The following PRDM2 variants were observed in gnomAD, a reference collection of about 807,000 sequenced individuals.
PRDM2 encodes PR/SET domain 2, also known as PR domain zinc finger protein 2.
Under a neutral mutation model 130.0 loss-of-function variants are expected in PRDM2, and 30 were observed. That is an observed-to-expected ratio of 0.23 (90% confidence interval 0.17 to 0.31). The LOEUF (loss-of-function observed/expected upper bound fraction) is 0.31. PRDM2 is among the 10% of genes least tolerant of loss of function. PRDM2 has a pLI of 1.00. For synonymous variants in PRDM2, 871 were observed against 782.4 expected (o/e 1.11, Z -1.89); for missense variants, 2,011 against 2,108.4 (o/e 0.95, Z 0.90).
chr1:13,748,501 T>C (rs954455357), intron 5 of PRDM2, among the ~76,000 whole-genome samples: 5 of 152,370 alleles, frequency 3.3e-5, no homozygotes, highest in African/African-American at 1.2e-4. Flanking sequence ...GGGTTTTAGA[T>C]AGAATTTTAC....
chr1:13,720,106 G>T (rs1642674886), intron 2 of PRDM2, among the ~76,000 whole-genome samples: 1 of 152,134 alleles, frequency 6.6e-6, no homozygotes, highest in Non-Finnish European at 1.5e-5. Flanking sequence ...AGATTAAACT[G>T]ATATAATACT....
At chr1:13,798,725 T>C (rs1022072007) in intron 8 of PRDM2, among the ~76,000 whole-genome samples, 2 of 152,146 alleles carry the variant, frequency 1.3e-5, no homozygotes, top group African/African-American at 4.8e-5. Context: ...AGTACCAAGC[T>C]TGAATTTCAT....
intron 8 of PRDM2, among the ~76,000 whole-genome samples, chr1:13,804,220 C>G (rs1645053664): frequency 1.3e-5 from 2 of 152,194 alleles, no homozygotes; most frequent in South Asian, 4.1e-4. Context: ...GTTGTCCCCA[C>G]TGTCCCCACC....
chr1:13,758,427 G>A (rs541118313), intron 6 of PRDM2, among the ~76,000 whole-genome samples: 15 of 145,886 alleles, frequency 1.0e-4, no homozygotes, highest in Non-Finnish European at 1.8e-4. Flanking sequence ...AGCCTGGGCA[G>A]CAGAGTGAGA....
In PRDM2 at chr1:13,780,972, CTCCTCCTCTTCGTTTTCTTCTTCATCT is replaced by C; in HGVS notation, c.3189_3215del (p.Phe1064_Ser1072del). The stretch of plus-strand genomic sequence containing the variant: ...TTTCTTCTTCCTCCTCTTCATCTTC[CTCCTCCTCTTCGTTTTCTTCTTCATCT>C]TCCTCCTCTTCTCCTTCTCCACCTC... On this transcript the variant is annotated inframe_deletion, in exon 8 of 10. Coordinates refer to ENST00000311066, the MANE Select transcript of PRDM2 (RefSeq NM_001393986.1). The C allele has an allele frequency of 6.2e-7, 1 of 1,602,704 alleles. No individual in the cohort carries two copies. Among genetic ancestry groups the C allele is most frequent in the Non-Finnish European group, 8.5e-7 (1 of 1,169,946 alleles).
intron 5 of PRDM2, among the ~76,000 whole-genome samples, chr1:13,742,389 A>G (rs1369888315): frequency 6.6e-6 from 1 of 152,058 alleles, no homozygotes; most frequent in Non-Finnish European, 1.5e-5. Context: ...TTTTGTAGAG[A>G]CAGAGCTTTG....
intron 6 of PRDM2, among the ~76,000 whole-genome samples, chr1:13,750,253 T>C (rs1643779875): frequency 6.6e-6 from 1 of 151,924 alleles, no homozygotes; most frequent in East Asian, 1.9e-4. Flanking sequence ...ACTGACACGT[T>C]GGGGCTTTTT....
In PRDM2 at chr1:13,700,246, C is replaced by T. The variant is rs1256040142; in HGVS notation, c.-120C>T. On this transcript the variant is annotated 5_prime_UTR_variant, in exon 1 of 10. It introduces an in-frame stop codon into an upstream open reading frame of the 5' UTR. Coordinates refer to ENST00000311066, the MANE Select transcript of PRDM2 (RefSeq NM_001393986.1). ...GCCGCGGGCGCCGGGGCCGGCGAAA[C>T]AGCGGCGGCGGCGGCGGCCCTCGGT... The T allele has an allele frequency of 6.6e-6, 1 of 151,964 alleles. No individual in the cohort carries two copies. Among genetic ancestry groups the T allele is most frequent in the African/African-American group, 2.4e-5 (1 of 41,172 alleles). 9.4% of individuals were successfully genotyped at this position (151,964 alleles called of 1,614,324 possible). A position where few individuals can be genotyped will look rare whatever the true frequency, so the allele number is the denominator to read the frequency against.
At chr1:13,712,628 G>C (rs930796699) in intron 1 of PRDM2, among the ~76,000 whole-genome samples, 1 of 152,054 alleles carries the variant, frequency 6.6e-6, no homozygotes, top group African/African-American at 2.4e-5. Context: ...TTGGTGGCAC[G>C]TGCCTGTAGT....
intron 5 of PRDM2, among the ~76,000 whole-genome samples, chr1:13,745,887 A>T (rs550539121): frequency 6.7e-6 from 1 of 149,766 alleles, no homozygotes; most frequent in Admixed American, 7.0e-5. Context: ...GATCTGACCT[A>T]TGATTTTTTA....
chr1:13,780,673 C>T lies in PRDM2; in HGVS notation c.2878C>T (p.Gln960Ter), dbSNP rs1283229456. The change falls in exon 8 of 10, where the codon CAG (glutamine) becomes TAG (stop). Residue 960 changes from glutamine (Q) to a stop codon, truncating the protein, a stop_gained. Transcript: ENST00000311066. LOFTEE classifies it high-confidence loss of function. ...ALQTPSLSSG[Q>*]LPPLLIPTDP... ...GCAGACACCCTCCCTTTCATCCGGT[C>T]AGCTGCCTCCTCTCTTGATCCCCAC... 6.2e-7 allele frequency: 1 copy of T among 1,611,034 alleles called. No individual in the cohort carries two copies. The highest frequency in any genetic ancestry group is 2.2e-5 in the East Asian group (1 of 44,836).
At chr1:13,754,430 A>G (rs747992459) in intron 6 of PRDM2, among the ~76,000 whole-genome samples, 1 of 152,168 alleles carries the variant, frequency 6.6e-6, no homozygotes, top group Non-Finnish European at 1.5e-5. Flanking sequence ...CCAAAATTGG[A>G]TAACTTGTCC....
At chr1:13,815,126 A>C (rs1372878200) in intron 8 of PRDM2, among the ~76,000 whole-genome samples, 4 of 152,090 alleles carry the variant, frequency 2.6e-5, no homozygotes, top group Non-Finnish European at 5.9e-5. Context: ...TATTTATTTG[A>C]GATGGAGTCT....
At chr1:13,747,387 A>G (rs975045826) in intron 5 of PRDM2, among the ~76,000 whole-genome samples, 12 of 152,272 alleles carry the variant, frequency 7.9e-5, no homozygotes, top group Non-Finnish European at 1.2e-4. Flanking sequence ...TTACTTTAAC[A>G]TAAGCCTGTT....
intron 8 of PRDM2, among the ~76,000 whole-genome samples, chr1:13,789,770 G>A (rs894608022): frequency 2.6e-5 from 4 of 152,192 alleles, no homozygotes; most frequent in Admixed American, 6.5e-5. Context: ...GAGCACAGGC[G>A]GATGAGAAAA....
At chr1:13,730,948 T>C (rs1165757576) in intron 2 of PRDM2, 52 bp from the exon 3 acceptor site, 26 of 1,229,636 alleles carry the variant, frequency 2.1e-5, no homozygotes, top group Non-Finnish European at 2.8e-5. Flanking sequence ...AAAAAACCCA[T>C]GATTTGAGTT....
Position 13,782,141 on chromosome 1 carries a change from C to G in PRDM2, c.4346C>G (p.Ala1449Gly), listed in dbSNP as rs764397622. 1.2e-6 allele frequency: 2 copies of G among 1,613,916 alleles called. No homozygotes were observed. The highest frequency in any genetic ancestry group is 1.7e-6 in the Non-Finnish European group (2 of 1,180,006). Residue 1449 changes from alanine to glycine, a missense_variant, in exon 8 of 10, where the codon GCT (alanine) becomes GGT (glycine). Around this residue, in one of 5 missense-constraint regions of PRDM2, gnomAD observed 410 missense variants for 395.9 expected, o/e 1.04. Coordinates refer to ENST00000311066, the MANE Select transcript of PRDM2 (RefSeq NM_001393986.1). ...AAGCAGAAGGCCGACTTGAAAAATG[C>G]TTGTGAGTCATCCTCTCACATCTGC... ...SAKQKADLKN[A>G]CESSSHICPY... is the part of the protein sequence containing the mutation.
In PRDM2 at chr1:13,780,632, C is replaced by T. The variant is rs1644587315; in HGVS notation, c.2837C>T (p.Pro946Leu). The part of the protein sequence containing the change: ...PTVESTPDVC[P>L]SSPALQTPSL... The stretch of plus-strand genomic sequence containing the variant: ...GTTGAGTCCACACCTGATGTTTGTC[C>T]TTCATCACCTGCCCTGCAGACACCC... Residue 946 changes from proline to leucine, a missense_variant, in exon 8 of 10, where the codon CCT (proline) becomes CTT (leucine). Coordinates refer to ENST00000311066, the MANE Select transcript of PRDM2 (RefSeq NM_001393986.1). The T allele has an allele frequency of 6.2e-7, 1 of 1,613,666 alleles. No homozygotes were observed. The highest frequency in any genetic ancestry group is 1.3e-5 in the African/African-American group (1 of 74,850).
intron 1 of PRDM2, among the ~76,000 whole-genome samples, chr1:13,710,020 A>G (rs1178038724): frequency 6.6e-6 from 1 of 152,206 alleles, no homozygotes; most frequent in Non-Finnish European, 1.5e-5. Flanking sequence ...GTATTTTCCC[A>G]ATTCTGTCCC....
Sources: allele counts gnomAD v4.1 joint callset (sites outside exome capture counted in the v4.1 genomes callset), GRCh38; gene constraint gnomAD v4.1.1; regional missense constraint gnomAD v4.1.1; transcripts MANE v1.5; gene names NCBI Gene and HGNC (gene_info 2026-07-23, HGNC 2026-07-21).